Variants in PALLD observed in about 807,000 individuals in gnomAD.
PALLD encodes palladin.
PALLD carries 61 observed loss-of-function variants against 123.5 expected under a neutral mutation model. The ratio of observed to expected loss-of-function variants is 0.49; its 90% confidence interval spans 0.40 to 0.61. The LOEUF is 0.61. PALLD is among the 20% of genes least tolerant of loss of function. PALLD has a pLI of 0.00. For missense variants in PALLD, 1,273 were observed against 1,377.0 expected, an observed-to-expected ratio of 0.92 and a Z score of 1.20; for synonymous variants, 465 against 496.4, an observed-to-expected ratio of 0.94 and a Z score of 0.84.
chr4:168,503,705 C>T (rs60339366), intron 1 of PALLD, among the ~76,000 whole-genome samples: 9,335 of 151,196 alleles, frequency 0.062, 405 homozygotes, highest in African/African-American at 0.13. Context: ...GCAAAAGGAG[C>T]AGCAAGTGCA....
intron 10 of PALLD, among the ~76,000 whole-genome samples, chr4:168,774,251 C>CT (rs1393470396): frequency 1.3e-5 from 2 of 152,148 alleles, no homozygotes; most frequent in Non-Finnish European, 2.9e-5. Context: ...CCCCTGCCAC[C>CT]TTCAAAGTCA....
At chr4:168,803,461 G>A (rs1354818464) in intron 10 of PALLD, among the ~76,000 whole-genome samples, 2 of 152,096 alleles carry the variant, frequency 1.3e-5, no homozygotes, top group African/African-American at 4.8e-5. Flanking sequence ...GAGGTGAGAG[G>A]ATTGCTTGAG....
At chr4:168,877,683 G>T (rs1751939585) in intron 10 of PALLD, 1 of 1,040,996 alleles carries the variant, frequency 9.6e-7, no homozygotes, top group Non-Finnish European at 1.2e-6. Context: ...GTTCCTGGCC[G>T]TTCCATCTCT....
At chr4:168,633,659 C>T (rs1192728279) in intron 2 of PALLD, among the ~76,000 whole-genome samples, 2 of 152,140 alleles carry the variant, frequency 1.3e-5, no homozygotes, top group Non-Finnish European at 2.9e-5. Context: ...GCAATGATTG[C>T]TCTCTAGGGC....
At chr4:168,838,061 T>G (rs1264087107) in intron 10 of PALLD, among the ~76,000 whole-genome samples, 1 of 152,180 alleles carries the variant, frequency 6.6e-6, no homozygotes, top group Non-Finnish European at 1.5e-5. Context: ...CAGGAGTACA[T>G]ACGCTATTGT....
intron 2 of PALLD, among the ~76,000 whole-genome samples, chr4:168,652,092 C>T (rs1778097019): frequency 2.0e-5 from 3 of 152,096 alleles, no homozygotes; most frequent in African/African-American, 4.8e-5. Flanking sequence ...GCTTGTGAAG[C>T]GTCACATACC....
chr4:168,902,286 G>T (rs1314973127), intron 14 of PALLD, among the ~76,000 whole-genome samples: 1 of 151,188 alleles, frequency 6.6e-6, no homozygotes, highest in East Asian at 1.9e-4. Context: ...ACTTTTGGCT[G>T]CAAGGAACAA....
At position 168,921,875 on chromosome 4, in the gene PALLD, T is replaced by C. The variant is rs1761579156; in HGVS notation, c.3058+134T>C. ...TAGATTGTATCATCAAAATAGCCAA[T>C]GAGGACATGGTTATAAGGCCTAGCA... On this transcript the variant is annotated intron_variant, in intron 18 of 21. Transcript: ENST00000505667. 8 of 769,356 alleles carry C rather than the reference T, an allele frequency of 1.0e-5. No individual in the cohort carries two copies. In the East Asian group the frequency reaches 1.3e-4, roughly 13 times the overall value. 47.7% of individuals were successfully genotyped at this position (769,356 alleles called of 1,614,324 possible).
intron 10 of PALLD, among the ~76,000 whole-genome samples, chr4:168,867,919 A>G (rs1750535058): frequency 2.0e-5 from 3 of 151,718 alleles, no homozygotes; most frequent in Admixed American, 6.6e-5. Context: ...AAAAAAAAAA[A>G]GAAAAAAAAA....
At chr4:168,897,021 G>A (rs1242186747) in intron 13 of PALLD, among the ~76,000 whole-genome samples, 2 of 152,056 alleles carry the variant, frequency 1.3e-5, no homozygotes, top group African/African-American at 4.8e-5. Flanking sequence ...AGCAGAGATG[G>A]GGTTTCACCA....
chr4:168,747,946 G>A (rs564662503), intron 10 of PALLD, among the ~76,000 whole-genome samples: 32 of 152,126 alleles, frequency 2.1e-4, no homozygotes, highest in East Asian at 3.9e-4. Context: ...GGGAAAAGTC[G>A]GATCCTTTTT....
At chr4:168,765,607 T>G (rs1472095193) in intron 10 of PALLD, among the ~76,000 whole-genome samples, 1 of 152,190 alleles carries the variant, frequency 6.6e-6, no homozygotes, top group African/African-American at 2.4e-5. Context: ...TGGGTTCCGG[T>G]TTTATAAGCT....
chr4:168,679,088 G>T (rs1301086584), intron 3 of PALLD, among the ~76,000 whole-genome samples: 2 of 133,494 alleles, frequency 1.5e-5, no homozygotes, highest in Non-Finnish European at 3.2e-5. Flanking sequence ...GTATGGATGT[G>T]TTTGGGGTGT....
intron 10 of PALLD, among the ~76,000 whole-genome samples, chr4:168,849,282 G>A (rs2150968784): frequency 6.6e-6 from 1 of 152,338 alleles, no homozygotes; most frequent in East Asian, 1.9e-4. Context: ...CCAGCTTTCT[G>A]TTAAAGACTC....
intron 10 of PALLD, among the ~76,000 whole-genome samples, chr4:168,884,940 G>A (rs778467794): frequency 3.3e-4 from 51 of 152,276 alleles, no homozygotes; most frequent in African/African-American, 9.6e-4. Flanking sequence ...CATCAGATAC[G>A]AGCTGTTAAT....
At chr4:168,735,190 A>G (rs144474073) in intron 10 of PALLD, among the ~76,000 whole-genome samples, 33 of 152,220 alleles carry the variant, frequency 2.2e-4, no homozygotes, top group African/African-American at 7.2e-4. Context: ...TTCAAAAGTT[A>G]TGTGCTGTCC....
chr4:168,857,120 C>G (rs1398722603), intron 10 of PALLD, among the ~76,000 whole-genome samples: 5 of 152,162 alleles, frequency 3.3e-5, no homozygotes, highest in African/African-American at 9.7e-5. Flanking sequence ...CTCGACAACC[C>G]TTCTCTCATG....
At chr4:168,884,131 A>G (rs1753016817) in intron 10 of PALLD, among the ~76,000 whole-genome samples, 1 of 152,104 alleles carries the variant, frequency 6.6e-6, no homozygotes, top group South Asian at 2.1e-4. Context: ...TTTGCCTCAA[A>G]ACTTATAACT....
intron 2 of PALLD, among the ~76,000 whole-genome samples, chr4:168,583,442 G>A (rs1287378747): frequency 1.3e-5 from 2 of 152,168 alleles, no homozygotes; most frequent in Non-Finnish European, 2.9e-5. Context: ...CTGGGCTGGA[G>A]ACTGAGATTC....
Sources: gnomAD v4.1 joint callset for allele counts (sites outside exome capture counted in the v4.1 genomes callset) on GRCh38, gnomAD v4.1.1 for gene constraint, MANE v1.5 for transcripts, NCBI Gene and HGNC (gene_info 2026-07-23, HGNC 2026-07-21) for gene names.